ATP13A4: variants seen among roughly 807,000 people sequenced by gnomAD.
ATP13A4 encodes probable cation-transporting ATPase 13A4.
In ATP13A4, 114 loss-of-function variants were observed where a neutral mutation model predicts 142.5. That is an observed-to-expected ratio of 0.80 (90% CI 0.69 to 0.93). The LOEUF is 0.93. Ranked by LOEUF, ATP13A4 falls within the 40% of genes least tolerant of loss-of-function variation. The pLI is 0.00. For missense variants in ATP13A4, 1,392 were observed against 1,454.0 expected, an observed-to-expected ratio of 0.96 and a Z score of 0.69; for synonymous variants, 488 against 514.8, an observed-to-expected ratio of 0.95 and a Z score of 0.70.
chr3:193,405,497 C>A (rs1386348841), intron 29 of ATP13A4, among the ~76,000 whole-genome samples: 2 of 152,160 alleles, frequency 1.3e-5, no homozygotes, highest in African/African-American at 4.8e-5. Context: ...CTTGCTGTGG[C>A]CTCTCCTTCC....
intron 8 of ATP13A4, among the ~76,000 whole-genome samples, chr3:193,474,062 G>A (rs1285726813): frequency 1.3e-5 from 2 of 152,080 alleles, no homozygotes; most frequent in African/African-American, 4.8e-5. Context: ...GCTCACACCT[G>A]TAATCCTAGC....
intron 28 of ATP13A4, among the ~76,000 whole-genome samples, chr3:193,408,529 A>G (rs1215316253): frequency 6.6e-6 from 1 of 152,248 alleles, no homozygotes; most frequent in Non-Finnish European, 1.5e-5. Flanking sequence ...TGTAGCAGCC[A>G]TGAAAATTTT....
At chr3:193,421,565 T>C (rs1157994795) in intron 25 of ATP13A4, among the ~76,000 whole-genome samples, 2 of 149,778 alleles carry the variant, frequency 1.3e-5, no homozygotes, top group African/African-American at 2.4e-5. Context: ...TAGTATGAAG[T>C]CTAAAAGCCA....
chr3:193,455,661 C>T (rs1369423630), intron 16 of ATP13A4, among the ~76,000 whole-genome samples: 1 of 152,188 alleles, frequency 6.6e-6, no homozygotes, highest in Non-Finnish European at 1.5e-5. Context: ...AAATACCATT[C>T]AGCCCAGAAA....
intron 11 of ATP13A4, 49 bp downstream of exon 11, chr3:193,465,976 T>C (rs764626037): frequency 3.1e-6 from 5 of 1,606,502 alleles, no homozygotes; most frequent in Non-Finnish European, 4.3e-6. Context: ...GTACAAAATA[T>C]ACAGAGATGA....
intron 1 of ATP13A4, among the ~76,000 whole-genome samples, chr3:193,540,855 G>C (rs1357823356): frequency 2.0e-5 from 3 of 152,048 alleles, no homozygotes; most frequent in Admixed American, 2.0e-4. Context: ...AAATACTAAT[G>C]GTATTTGCCG....
At chr3:193,412,981 C>T (rs1417914786) in intron 26 of ATP13A4, among the ~76,000 whole-genome samples, 1 of 152,154 alleles carries the variant, frequency 6.6e-6, no homozygotes, top group Admixed American at 6.5e-5. Context: ...CTAGAACACA[C>T]CACTGCACTC....
At chr3:193,440,524 C>T (rs544871760) in intron 21 of ATP13A4, 34 bp downstream of exon 21, 3 of 1,613,068 alleles carry the variant, frequency 1.9e-6, no homozygotes, top group South Asian at 1.1e-5. Flanking sequence ...TGCCTCCATG[C>T]AGTTCATGCC....
At chr3:193,410,768 G>A (rs1426792746) in intron 28 of ATP13A4, among the ~76,000 whole-genome samples, 1 of 152,108 alleles carries the variant, frequency 6.6e-6, no homozygotes, top group African/African-American at 2.4e-5. Context: ...CTTAAAGGCT[G>A]TCTTTAATCT....
At chr3:193,479,353 G>A (rs766662447) in intron 8 of ATP13A4, among the ~76,000 whole-genome samples, 1 of 152,086 alleles carries the variant, frequency 6.6e-6, no homozygotes, top group Non-Finnish European at 1.5e-5. Flanking sequence ...TGATATGATA[G>A]TATACCAAGA....
chr3:193,437,825 ATTTTTT>A (rs372139378), intron 23 of ATP13A4, among the ~76,000 whole-genome samples: 1 of 102,990 alleles, frequency 9.7e-6, no homozygotes. Context: ...GCCAATAAAG[ATTTTTT>A]TTTTTTTTTT....
At chr3:193,458,622 A>G (rs1717774340) in intron 14 of ATP13A4, 1 of 182,740 alleles carries the variant, frequency 5.5e-6, no homozygotes, top group African/African-American at 2.4e-5. Flanking sequence ...AGTCTTGGAA[A>G]TAAAATCAAT....
chr3:193,442,420 C>T lies in ATP13A4; in HGVS notation c.2289G>A (p.Glu763=), dbSNP rs750367072. The change falls in exon 19 of 30, where the codon GAG becomes GAA. Residue 763 remains glutamate (E), a synonymous_variant. Transcript: ENST00000342695. ...SASISWTLVE[E]KKHIMYGNQD... ...GATTCCCATACATAATGTGTTTCTT[C>T]TCTTCTACTAACGTCCAAGATATAG... The T allele has an allele frequency of 1.2e-6, 2 of 1,614,076 alleles. No homozygotes were observed. Among genetic ancestry groups the T allele is most frequent in the Admixed American group, 3.3e-5 (2 of 60,030 alleles).
chr3:193,437,038 A>G (rs1716322686), intron 23 of ATP13A4, among the ~76,000 whole-genome samples: 1 of 143,784 alleles, frequency 7.0e-6, no homozygotes, highest in East Asian at 2.1e-4. Flanking sequence ...CGGGAGGCGG[A>G]GCTTGCAGTG....
At chr3:193,533,204 A>G (rs1207537357) in intron 1 of ATP13A4, among the ~76,000 whole-genome samples, 1 of 152,194 alleles carries the variant, frequency 6.6e-6, no homozygotes, top group Non-Finnish European at 1.5e-5. Flanking sequence ...AAATAGCAAG[A>G]CCTCATCTCT....
rs1457048315 is a variant in ATP13A4, at chr3:193,514,950, G to A, written c.61-79C>T. 6.7e-6 allele frequency: 10 copies of A among 1,491,552 alleles called. No homozygotes were observed. The Admixed American group carries it at 1.6e-4, about 24-fold the overall frequency. 92.4% of individuals were successfully genotyped at this position (1,491,552 alleles called of 1,614,324 possible). A position where few individuals can be genotyped will look rare whatever the true frequency, so the allele number is the denominator to read the frequency against. On this transcript the variant is annotated intron_variant, in intron 1 of 29. Transcript: ENST00000342695. ...ATGAACAAATACTGATTTTAGTGAT[G>A]GAAATGGGGGCAGAGTGAAGGAGTT...
At position 193,413,333 on chromosome 3, in the gene ATP13A4, A is replaced by G. The variant is rs140666092; in HGVS notation, c.3015-962T>C. ...TGAGAATGTACGTCACCTCAGGACC[A>G]CTATTGTACAAATTGATTGTAAAAC... On this transcript the variant is annotated intron_variant, in intron 26 of 29. Transcript: ENST00000342695. Among the ~76,000 whole-genome samples, 100 of 152,282 alleles carry G rather than the reference A, an allele frequency of 6.6e-4. 1 individual carries two copies. The highest frequency in any genetic ancestry group is 2.3e-3 in the African/African-American group (96 of 41,544).
At chr3:193,541,213 CA>C (rs1354320936) in intron 1 of ATP13A4, among the ~76,000 whole-genome samples, 4 of 137,484 alleles carry the variant, frequency 2.9e-5, no homozygotes, top group Non-Finnish European at 4.7e-5. Flanking sequence ...CGAGCCACTG[CA>C]CTCCAGCCTG....
chr3:193,535,450 T>A (rs185925464), intron 1 of ATP13A4, among the ~76,000 whole-genome samples: 429 of 151,608 alleles, frequency 2.8e-3, no homozygotes, highest in Non-Finnish European at 4.6e-3. Flanking sequence ...ACAGGGGAAG[T>A]CTCAAGATAA....
Sources: gnomAD v4.1 joint callset for allele counts (sites outside exome capture counted in the v4.1 genomes callset) on GRCh38, gnomAD v4.1.1 for gene constraint, MANE v1.5 for transcripts, NCBI Gene and HGNC (gene_info 2026-07-23, HGNC 2026-07-21) for gene names.